BDH1: variants seen among roughly 807,000 people sequenced by gnomAD.
BDH1 encodes 3-hydroxybutyrate dehydrogenase 1, also known as D-beta-hydroxybutyrate dehydrogenase, mitochondrial.
A neutral mutation model predicts 33.1 loss-of-function variants in BDH1; 30 were observed. The ratio of observed to expected loss-of-function variants is 0.91; its 90% CI spans 0.68 to 1.23. The LOEUF (loss-of-function observed/expected upper bound fraction) is 1.23. Ranked by LOEUF, BDH1 falls within the 50% of genes most tolerant of loss-of-function variation. The probability of loss-of-function intolerance (pLI) is 0.00; values close to 1 mark genes in which losing one functional copy is unlikely to be tolerated. For missense variants in BDH1, 443 were observed against 464.4 expected (o/e 0.95, Z 0.42); for synonymous variants, 190 against 183.6 (o/e 1.03, Z -0.28).
intron 6 of BDH1, chr3:197,515,759 C>T: frequency 1.0e-6 from 1 of 983,242 alleles, no homozygotes; most frequent in Non-Finnish European, 1.2e-6. Context: ...CAAAGATTAG[C>T]CGGGTGTGGT....
intron 6 of BDH1, among the ~76,000 whole-genome samples, chr3:197,517,251 CCGCA>C (rs1712850045): frequency 1.5e-5 from 2 of 131,440 alleles, no homozygotes; most frequent in African/African-American, 2.8e-5. Context: ...AGGCCGACCC[CCGCA>C]TCAGTCATTT....
upstream of BDH1, among the ~76,000 whole-genome samples, chr3:197,560,048 C>T (rs538287880): frequency 2.0e-5 from 3 of 152,334 alleles, no homozygotes; most frequent in Admixed American, 2.0e-4. Context: ...TCTCCTCAAC[C>T]CAGGGAGGTA....
At chr3:197,524,389 C>T (rs1239420403) in intron 5 of BDH1, among the ~76,000 whole-genome samples, 2 of 152,236 alleles carry the variant, frequency 1.3e-5, no homozygotes, top group Admixed American at 1.3e-4. Context: ...GTGGAAAGTC[C>T]TCCGCTGGTT....
chr3:197,542,636 G>A (rs1237679916), intron 3 of BDH1, among the ~76,000 whole-genome samples: 6 of 145,158 alleles, frequency 4.1e-5, no homozygotes, highest in Non-Finnish European at 7.5e-5. Context: ...CGATTCTCCC[G>A]CCTCAGCCTC....
In BDH1 at chr3:197,561,400, C is replaced by T. The variant is rs532745653; in HGVS notation, c.-44+11781G>A. Among the ~76,000 whole-genome samples, 7 of 152,230 alleles carry T rather than the reference C, an allele frequency of 4.6e-5. No homozygotes were observed. In the South Asian group the frequency reaches 1.5e-3, roughly 32 times the overall value. On this transcript the variant is annotated intron_variant, in intron 1 of 6. Transcript: ENST00000358186. ...ACAAGGAAGGCAAGATTTCCTCTTT[C>T]CATGACGATAGAAGGCAGACAACTC...
chr3:197,553,772 A>T (rs926822601), intron 2 of BDH1, among the ~76,000 whole-genome samples: 1 of 152,214 alleles, frequency 6.6e-6, no homozygotes, highest in Non-Finnish European at 1.5e-5. Flanking sequence ...GCCTTGGTGA[A>T]AACCATGGAA....
chr3:197,538,360 T>C (rs1715326386), intron 3 of BDH1: 3 of 454,862 alleles, frequency 6.6e-6, no homozygotes, highest in Non-Finnish European at 1.3e-5. Context: ...TTTGTTTTGT[T>C]TTGTTTTTGA....
intron 5 of BDH1, among the ~76,000 whole-genome samples, chr3:197,527,939 T>C (rs1230046917): frequency 6.6e-6 from 1 of 152,210 alleles, no homozygotes; most frequent in Non-Finnish European, 1.5e-5. Context: ...CCGTCCACCA[T>C]GCTTTATCTT....
chr3:197,533,129 G>A (rs562018332), intron 4 of BDH1, among the ~76,000 whole-genome samples: 39 of 152,232 alleles, frequency 2.6e-4, no homozygotes, highest in East Asian at 1.5e-3. Context: ...CACCCACCTC[G>A]GCCTCCCAAA....
At chr3:197,543,478 C>A (rs1245097852) in intron 3 of BDH1, among the ~76,000 whole-genome samples, 4 of 152,202 alleles carry the variant, frequency 2.6e-5, no homozygotes, top group African/African-American at 4.8e-5. Context: ...GTGAGCAAGG[C>A]ACCTGCCCCA....
At chr3:197,536,856 C>G (rs937008915) in intron 3 of BDH1, among the ~76,000 whole-genome samples, 7 of 152,300 alleles carry the variant, frequency 4.6e-5, no homozygotes, top group African/African-American at 1.7e-4. Flanking sequence ...AAAAACCCAA[C>G]CAAACAAACA....
chr3:197,556,812 C>T (rs544036176), upstream of BDH1, among the ~76,000 whole-genome samples: 3 of 152,250 alleles, frequency 2.0e-5, no homozygotes, highest in Admixed American at 6.5e-5. Context: ...ACTGCGCTAT[C>T]GCCCTGCGCC....
chr3:197,547,113 C>G (rs1716149039), intron 2 of BDH1, among the ~76,000 whole-genome samples: 1 of 152,042 alleles, frequency 6.6e-6, no homozygotes. Flanking sequence ...CACACACACA[C>G]ACACCCTCCC....
intron 3 of BDH1, among the ~76,000 whole-genome samples, chr3:197,539,387 A>T (rs917848725): frequency 2.0e-5 from 3 of 151,886 alleles, no homozygotes; most frequent in Non-Finnish European, 2.9e-5. Context: ...TGTTCCGCCC[A>T]CCTCAGCCTC....
At chr3:197,515,673 C>A (rs1342851591) in intron 6 of BDH1, 2 of 985,490 alleles carry the variant, frequency 2.0e-6, no homozygotes, top group Non-Finnish European at 2.4e-6. Context: ...TTCCATATCC[C>A]GAAGATCCTT....
chr3:197,572,803 C>T (rs1717653955), intron 1 of BDH1, among the ~76,000 whole-genome samples: 1 of 152,156 alleles, frequency 6.6e-6, no homozygotes, highest in Non-Finnish European at 1.5e-5. Flanking sequence ...ATCCCTAAAA[C>T]TGATTTGATT....
chr3:197,558,158 A>T (rs1448844220), upstream of BDH1, among the ~76,000 whole-genome samples: 1 of 152,248 alleles, frequency 6.6e-6, no homozygotes, highest in Non-Finnish European at 1.5e-5. Flanking sequence ...ACATCTTCCC[A>T]GCCCAGCTTT....
intron 3 of BDH1, among the ~76,000 whole-genome samples, chr3:197,541,627 T>G (rs542300977): frequency 6.6e-6 from 1 of 151,732 alleles, no homozygotes; most frequent in African/African-American, 2.4e-5. Flanking sequence ...TGCGTATGTT[T>G]GAGATTCTCC....
Position 197,528,712 on chromosome 3 carries a change from A to G in BDH1, c.267+3700T>C, listed in dbSNP as rs532248072. 1.7e-4 allele frequency: 26 copies of G among 152,376 alleles called. No homozygotes were observed. Among genetic ancestry groups the G allele is most frequent in the African/African-American group, 6.3e-4 (26 of 41,580 alleles). 9.4% of individuals were successfully genotyped at this position (152,376 alleles called of 1,614,324 possible). A position where few individuals can be genotyped will look rare whatever the true frequency, so the allele number is the denominator to read the frequency against. ...TGTCTGGTACTTTCTTCAAAATACC[A>G]GTCAACCAATTCTAGAATCACTGTT... On this transcript the variant is annotated intron_variant, in intron 5 of 7. Transcript: ENST00000392379. This position sits in a 1 kb window ranked among gnomAD's most constrained non-coding sequence, Gnocchi z 5.1.
Sources: allele counts gnomAD v4.1 joint callset (sites outside exome capture counted in the v4.1 genomes callset), GRCh38; gene constraint gnomAD v4.1.1; non-coding constraint Gnocchi (gnomAD v3.1); transcripts MANE v1.5; gene names NCBI Gene and HGNC (gene_info 2026-07-23, HGNC 2026-07-21).